Variants in SLX4IP observed in about 807,000 individuals in gnomAD.
SLX4IP encodes protein SLX4IP.
Under a neutral mutation model 32.9 loss-of-function variants are expected in SLX4IP, and 34 were observed. That is an observed-to-expected ratio of 1.03 (90% CI 0.79 to 1.38). The LOEUF is 1.38. Among genes scored for constraint, SLX4IP ranks in the 40% most tolerant of loss-of-function variants. The probability of loss-of-function intolerance (pLI) is 0.00; values close to 1 mark genes in which losing one functional copy is unlikely to be tolerated. For missense variants in SLX4IP, 444 were observed against 479.0 expected (o/e 0.93, Z 0.68); for synonymous variants, 172 against 171.7 (o/e 1.00, Z -0.01).
chr20:10,597,417 A>G lies in SLX4IP; in HGVS notation c.239-1258A>G, dbSNP rs186869568. Among the ~76,000 whole-genome samples, 36 of 152,362 alleles carry G rather than the reference A, an allele frequency of 2.4e-4. No individual in the cohort carries two copies. The East Asian group carries it at 6.6e-3, about 28-fold the overall frequency. On this transcript the variant is annotated intron_variant, in intron 4 of 7. Coordinates refer to ENST00000334534, the MANE Select transcript of SLX4IP (RefSeq NM_001009608.3). ...ACCTGGAGGGAAGCCAGAAGAGAAG[A>G]GAAAGGGAGAGAGGAAGGAATTAAG... is the stretch of plus-strand genomic sequence containing the variant.
chr20:10,614,166 C>G, intron 6 of SLX4IP: 14 of 861,988 alleles, frequency 1.6e-5, no homozygotes, highest in Non-Finnish European at 2.6e-5. Flanking sequence ...GCCCAGCACC[C>G]AGTAAAGCCA....
chr20:10,521,229 C>T (rs2065899039), intron 2 of SLX4IP, among the ~76,000 whole-genome samples: 1 of 152,222 alleles, frequency 6.6e-6, no homozygotes, highest in Non-Finnish European at 1.5e-5. Flanking sequence ...GTCCACTTCT[C>T]TCCATGGCAG....
intron 2 of SLX4IP, among the ~76,000 whole-genome samples, chr20:10,471,696 A>T (rs952076594): frequency 6.6e-6 from 1 of 152,136 alleles, no homozygotes; most frequent in Admixed American, 6.5e-5. Context: ...AAGAAGCCCC[A>T]CTATTCTCAT....
At chr20:10,556,349 G>A (rs1847277950) in intron 3 of SLX4IP, 29 bp downstream of exon 3, 2 of 1,578,156 alleles carry the variant, frequency 1.3e-6, no homozygotes, top group Non-Finnish European at 1.7e-6. Context: ...CTATTTAATT[G>A]CAAGTAGCTG....
chr20:10,574,787 C>T (rs1379004056), intron 4 of SLX4IP, among the ~76,000 whole-genome samples: 1 of 152,130 alleles, frequency 6.6e-6, no homozygotes, highest in Non-Finnish European at 1.5e-5. Flanking sequence ...ATTCTCCTGT[C>T]TCAGCCTCTT....
intron 4 of SLX4IP, among the ~76,000 whole-genome samples, chr20:10,584,099 T>C (rs2066617693): frequency 1.3e-5 from 2 of 151,944 alleles, no homozygotes; most frequent in Admixed American, 1.3e-4. Flanking sequence ...TAATAGAAGA[T>C]AAAAATAAAA....
At chr20:10,569,225 G>T (rs1016402157) in intron 4 of SLX4IP, among the ~76,000 whole-genome samples, 1 of 140,850 alleles carries the variant, frequency 7.1e-6, no homozygotes, top group Non-Finnish European at 1.5e-5. Context: ...CACTCTTGTC[G>T]CCCAGGCTGG....
At chr20:10,493,750 G>C (rs1426175902) in intron 2 of SLX4IP, among the ~76,000 whole-genome samples, 1 of 150,680 alleles carries the variant, frequency 6.6e-6, no homozygotes. Context: ...GTCAGGCTTT[G>C]ATACATAACA....
chr20:10,509,981 A>G (rs2065792359), intron 2 of SLX4IP, among the ~76,000 whole-genome samples: 1 of 152,190 alleles, frequency 6.6e-6, no homozygotes, highest in Non-Finnish European at 1.5e-5. Flanking sequence ...CAGCCTGATG[A>G]ATAAATTTTG....
intron 2 of SLX4IP, among the ~76,000 whole-genome samples, chr20:10,544,147 T>C (rs1419386332): frequency 6.6e-6 from 1 of 152,176 alleles, no homozygotes; most frequent in Non-Finnish European, 1.5e-5. Flanking sequence ...AGGATTTACA[T>C]GCAGTTATAT....
At chr20:10,524,298 A>C (rs1199576586) in intron 2 of SLX4IP, among the ~76,000 whole-genome samples, 1 of 152,222 alleles carries the variant, frequency 6.6e-6, no homozygotes, top group Non-Finnish European at 1.5e-5. Context: ...CTCTTTGGGA[A>C]TCAGCTGGAC....
intron 4 of SLX4IP, among the ~76,000 whole-genome samples, chr20:10,589,089 G>T (rs1055652097): frequency 1.3e-5 from 2 of 152,024 alleles, no homozygotes; most frequent in African/African-American, 2.4e-5. Context: ...CCCAATAAAG[G>T]TGGGGAAAAA....
intron 1 of SLX4IP, among the ~76,000 whole-genome samples, chr20:10,454,577 G>A (rs1009585847): frequency 6.6e-6 from 1 of 152,168 alleles, no homozygotes; most frequent in Non-Finnish European, 1.5e-5. Context: ...GCACAGTAAA[G>A]GGGAATATTT....
intron 2 of SLX4IP, among the ~76,000 whole-genome samples, chr20:10,466,865 A>G (rs1171920716): frequency 6.6e-6 from 1 of 151,524 alleles, no homozygotes; most frequent in Non-Finnish European, 1.5e-5. Flanking sequence ...TTAAAAAAAA[A>G]AGAACTCCCT....
intron 2 of SLX4IP, among the ~76,000 whole-genome samples, chr20:10,458,583 G>C (rs2065308365): frequency 6.6e-6 from 1 of 151,848 alleles, no homozygotes; most frequent in Non-Finnish European, 1.5e-5. Flanking sequence ...TTCTCATTCA[G>C]CTCCCACTTA....
chr20:10,561,545 C>CTTTTTTTTTTTTTTTTTTT (rs749781715), intron 4 of SLX4IP, among the ~76,000 whole-genome samples: 1 of 139,148 alleles, frequency 7.2e-6, no homozygotes, highest in African/African-American at 2.7e-5. Context: ...TTTCTTTTTT[C>CTTTTTTTTTTTTTTTTTTT]TTTTTTTTTT....
chr20:10,478,057 C>T (rs1453726679), intron 2 of SLX4IP, among the ~76,000 whole-genome samples: 1 of 152,028 alleles, frequency 6.6e-6, no homozygotes, highest in African/African-American at 2.4e-5. Flanking sequence ...CTCTGCCACG[C>T]CTGGCTAATT....
chr20:10,534,611 T>C (rs897871989), intron 2 of SLX4IP, among the ~76,000 whole-genome samples: 1 of 152,198 alleles, frequency 6.6e-6, no homozygotes, highest in African/African-American at 2.4e-5. Flanking sequence ...GCCAAGGTCC[T>C]TTCTGCTTTG....
chr20:10,585,872 T>C (rs190806309), intron 4 of SLX4IP, among the ~76,000 whole-genome samples: 1 of 152,250 alleles, frequency 6.6e-6, no homozygotes, highest in Non-Finnish European at 1.5e-5. Context: ...ATTACAGGCA[T>C]GAGCCACCGT....
Sources: allele counts gnomAD v4.1 joint callset (sites outside exome capture counted in the v4.1 genomes callset), GRCh38; gene constraint gnomAD v4.1.1; transcripts MANE v1.5; gene names NCBI Gene and HGNC (gene_info 2026-07-23, HGNC 2026-07-21).